The following IDS variants were observed in gnomAD, a reference collection of about 807,000 sequenced individuals.
IDS encodes the protein alpha-L-iduronate sulfate sulfatase.
In IDS, 1 loss-of-function variant was observed where a neutral mutation model predicts 33.5. The observed-to-expected ratio is 0.03, with a 90% CI of 0.01 to 0.14. IDS has a LOEUF of 0.14. Ranked by LOEUF, IDS falls within the 10% of genes least tolerant of loss-of-function variation. The pLI is 1.00. For synonymous variants in IDS, 191 were observed against 184.4 expected (o/e 1.04, Z -0.29); for missense variants, 328 against 448.0 (o/e 0.73, Z 2.42).
intron 4 of IDS, among the ~76,000 whole-genome samples, chrX:149,500,399 C>T (rs1201859700): frequency 3.6e-5 from 4 of 112,149 alleles, no homozygotes; most frequent in Non-Finnish European, 5.6e-5. Flanking sequence ...TCTCAGTTCC[C>T]TAGCTGGTTT....
At position 149,490,387 on chromosome X, in the gene IDS, G is replaced by A. The variant is rs782608372; in HGVS notation, c.933C>T (p.Val311=). ...CGTCCAAAGCACTCAAGAGGCGGCCGACCTGTGTATCCAAATATGACACAG... is the reference window on the plus strand; with the variant it reads ...CGTCCAAAGCACTCAAGAGGCGGCCAACCTGTGTATCCAAATATGACACAG... ...FASVSYLDTQ[V]GRLLSALDDL... The change falls in exon 7 of 9, where the codon GTC becomes GTT. Residue 311 remains valine (V), a synonymous_variant. Transcript: ENST00000340855. 14 of 1,207,703 alleles carry A rather than the reference G, an allele frequency of 1.2e-5. No individual in the cohort carries two copies. The East Asian group carries it at 1.8e-4, about 15-fold the overall frequency.
At position 149,491,449 on chromosome X, in the gene IDS, G is replaced by A. The variant is rs187677505; in HGVS notation, c.880-1009C>T. 3.2e-4 allele frequency: 209 copies of A among 653,898 alleles called. 1 individual carries two copies. In the African/African-American group the frequency reaches 4.4e-3, roughly 14 times the overall value. The allele number at this position is 653,898 out of a possible 1,213,427, so 53.9% of individuals were successfully genotyped here. A position where few individuals can be genotyped will look rare whatever the true frequency, so the allele number is the denominator to read the frequency against. On this transcript the variant is annotated intron_variant, in intron 6 of 8. Coordinates refer to ENST00000340855, the MANE Select transcript of IDS (RefSeq NM_000202.8). ...CCCAAAGAGGGGTGAGAAGAGAGCC[G>A]TGTCTTCGCAGACCAGCCCCTGACT...
Position 149,478,034 on chromosome X carries a change from A to C in IDS, c.*4712T>G, listed in dbSNP as rs1451000502. On this transcript the variant is annotated 3_prime_UTR_variant, in exon 9 of 9. Coordinates refer to ENST00000340855, the MANE Select transcript of IDS (RefSeq NM_000202.8). ...TGAAGAGCTATAACCTGCAGGATGG[A>C]CTTGGGAAAGGAAAAGGGGCTGAGC... 1 of 111,994 alleles carries C rather than the reference A, an allele frequency of 8.9e-6. No homozygotes were observed. Among genetic ancestry groups the C allele is most frequent in the Non-Finnish European group, 1.9e-5 (1 of 53,189 alleles). 9.2% of individuals were successfully genotyped at this position (111,994 alleles called of 1,213,427 possible). A position where few individuals can be genotyped will look rare whatever the true frequency, so the allele number is the denominator to read the frequency against.
rs782692139 is a variant in IDS, at chrX:149,479,984, G to A, written c.*2762C>T. On this transcript the variant is annotated 3_prime_UTR_variant, in exon 9 of 9. Coordinates refer to ENST00000340855, the MANE Select transcript of IDS (RefSeq NM_000202.8). The stretch of plus-strand genomic sequence containing the variant: ...AAAAACCTCAGCCTCCTTCGGGAGG[G>A]GGGGAGCTTGGTAGTGAAAAATGGT... 7 of 264,964 alleles carry A rather than the reference G, an allele frequency of 2.6e-5. No individual in the cohort carries two copies. Among genetic ancestry groups the A allele is most frequent in the East Asian group, 5.3e-5 (1 of 18,695 alleles). The allele number at this position is 264,964 out of a possible 1,213,427, so 21.8% of individuals were successfully genotyped here.
chrX:149,500,882 A>G, intron 4 of IDS, 67 bp downstream of exon 4: 1 of 671,224 alleles, frequency 1.5e-6, no homozygotes, highest in African/African-American at 2.1e-5. Flanking sequence ...CATGCAGTAT[A>G]CCCAGTAGTT....
intron 7 of IDS, among the ~76,000 whole-genome samples, chrX:149,488,840 G>A (rs1557338431): frequency 9.0e-6 from 1 of 111,555 alleles, no homozygotes; most frequent in Non-Finnish European, 1.9e-5. Context: ...TTGACAGGCA[G>A]CTCAGGAGGT....
At chrX:149,487,822 T>C (rs1361991310) in intron 7 of IDS, among the ~76,000 whole-genome samples, 1 of 101,440 alleles carries the variant, frequency 9.9e-6, no homozygotes, top group Non-Finnish European at 2.0e-5. Context: ...ACAGAAATTG[T>C]ACAGTGAGTA....
rs144081417 is a variant in IDS at position 149,504,293 on chromosome X, T to C, written c.104A>G (p.Asp35Gly). ...GATGATGAGAAGAACGTTCAGAGCATCTACACAGGAGGGAGGGGCTTTGGT... is the reference window on the plus strand; with the variant it reads ...GATGATGAGAAGAACGTTCAGAGCACCTACACAGGAGGGAGGGGCTTTGGT... ...GSETQANSTTDALNVLLIIVD... is the reference protein window; with the variant it reads ...GSETQANSTTGALNVLLIIVD... Residue 35 changes from aspartate (D) to glycine (G), a missense_variant and splice_region_variant, in exon 2 of 9, where the codon GAT becomes GGT. Physicochemically the swap from Asp to Gly is moderately conservative, Grantham distance 94. Coordinates refer to ENST00000340855, the MANE Select transcript of IDS (RefSeq NM_000202.8). 245 of 1,204,874 alleles carry C rather than the reference T, an allele frequency of 2.0e-4. No individual in the cohort carries two copies. Among genetic ancestry groups the C allele is most frequent in the Non-Finnish European group, 2.5e-4 (221 of 892,039 alleles).
At chrX:149,493,646 G>A (rs1441736322) in intron 6 of IDS, among the ~76,000 whole-genome samples, 1 of 111,051 alleles carries the variant, frequency 9.0e-6, no homozygotes, top group African/African-American at 3.3e-5. Context: ...GGGAAGCAGG[G>A]ACAGTGGTGG....
At position 149,498,312 on chromosome X, in the gene IDS, CA is replaced by C; in HGVS notation, c.508-6del. 8.3e-7 allele frequency: 1 copy of C among 1,197,855 alleles called. No homozygotes were observed. On this transcript the variant is annotated splice_region_variant and splice_polypyrimidine_tract_variant and intron_variant, in intron 4 of 8. Transcript: ENST00000340855. ...TCCATCTGGCCCTCGACATGTCTTT[CA>C]AAACAAAATAATATAACATCAGCTT... is the stretch of plus-strand genomic sequence containing the variant.
chrX:149,498,492 G>T (rs782202482), intron 4 of IDS, among the ~76,000 whole-genome samples, 185 bp from the exon 5 acceptor site: 1 of 112,311 alleles, frequency 8.9e-6, no homozygotes, highest in South Asian at 3.7e-4. Flanking sequence ...GCAGGGGCCA[G>T]AAATCCACTA....
rs372275324 is a variant in IDS, at chrX:149,503,520, C to T, written c.241-31G>A. 234 of 1,030,172 alleles carry T rather than the reference C, an allele frequency of 2.3e-4. 1 individual carries two copies. The highest frequency in any genetic ancestry group is 2.1e-3 in the African/African-American group (113 of 53,006). 84.9% of individuals were successfully genotyped at this position (1,030,172 alleles called of 1,213,427 possible). On this transcript the variant is annotated intron_variant, in intron 2 of 8. Coordinates refer to ENST00000340855, the MANE Select transcript of IDS (RefSeq NM_000202.8). ...AGGGAGCAGAAGCAGAGGTAAGCATCGCCACAGCAAAACATGTCTGCCATC... is the reference window on the plus strand; with the variant it reads ...AGGGAGCAGAAGCAGAGGTAAGCATTGCCACAGCAAAACATGTCTGCCATC...
intron 5 of IDS, 120 bp downstream of exon 5, chrX:149,497,987 C>A: frequency 1.7e-6 from 1 of 589,689 alleles, no homozygotes; most frequent in Middle Eastern, 5.2e-4. Context: ...TAGTGCCCAT[C>A]AGGCAACCAT....
chrX:149,489,379 ATCC>A (rs1462777233), intron 7 of IDS, among the ~76,000 whole-genome samples: 1 of 112,203 alleles, frequency 8.9e-6, no homozygotes, highest in Non-Finnish European at 1.9e-5. Flanking sequence ...TATAACATAT[ATCC>A]CTGTGTGCAT....
chrX:149,486,185 G>A (rs782784216), intron 8 of IDS, among the ~76,000 whole-genome samples: 8 of 111,722 alleles, frequency 7.2e-5, no homozygotes, highest in African/African-American at 2.6e-4. Flanking sequence ...TCCAGGAGGG[G>A]TATCTGGTCC....
At chrX:149,483,743 T>C (rs1429507475) in intron 8 of IDS, among the ~76,000 whole-genome samples, 1 of 112,283 alleles carries the variant, frequency 8.9e-6, no homozygotes, top group Non-Finnish European at 1.9e-5. Context: ...ATTACCACCA[T>C]CTATCTCCAG....
At chrX:149,485,618 A>G (rs1265435656) in intron 8 of IDS, among the ~76,000 whole-genome samples, 1 of 112,167 alleles carries the variant, frequency 8.9e-6, no homozygotes, top group Non-Finnish European at 1.9e-5. Flanking sequence ...ACTATTGGAA[A>G]CAAAAGTCTG....
At chrX:149,496,257 G>T in intron 6 of IDS, 89 bp downstream of exon 6, 1 of 866,966 alleles carries the variant, frequency 1.2e-6, no homozygotes, top group Non-Finnish European at 1.7e-6. Context: ...AGACATTATA[G>T]GTGGAGTTGT....
At chrX:149,483,329 T>A (rs1291704077) in intron 8 of IDS, 111 bp from the exon 9 acceptor site, 1 of 561,742 alleles carries the variant, frequency 1.8e-6, no homozygotes, top group Non-Finnish European at 3.0e-6. Context: ...TTTTTTTAAT[T>A]TACAACATTT....
Sources: allele counts gnomAD v4.1 joint callset (sites outside exome capture counted in the v4.1 genomes callset), GRCh38; gene constraint gnomAD v4.1.1; transcripts MANE v1.5; gene names NCBI Gene and HGNC (gene_info 2026-07-23, HGNC 2026-07-21).